Variants in EVI5 observed in about 807,000 individuals in gnomAD.
EVI5 encodes the protein ecotropic viral integration site 5 protein homolog.
A neutral mutation model predicts 112.0 loss-of-function variants in EVI5; 73 were observed. That is an observed-to-expected ratio of 0.65 (90% CI 0.54 to 0.79). The LOEUF (loss-of-function observed/expected upper bound fraction) is 0.79, where lower values mean the gene tolerates loss of function less well. EVI5 is among the 30% of genes least tolerant of loss of function. EVI5 has a pLI of 0.00. For synonymous variants in EVI5, 305 were observed against 319.9 expected (o/e 0.95, Z 0.50); for missense variants, 900 against 968.8 (o/e 0.93, Z 0.94).
chr1:92,670,680 C>G (rs1214868072), intron 10 of EVI5, among the ~76,000 whole-genome samples: 1 of 152,132 alleles, frequency 6.6e-6, no homozygotes, highest in Non-Finnish European at 1.5e-5. Flanking sequence ...CTTCTATCCC[C>G]CTAGGTCACT....
intron 18 of EVI5, among the ~76,000 whole-genome samples, chr1:92,575,217 C>A (rs139543924): frequency 6.6e-6 from 1 of 152,176 alleles, no homozygotes; most frequent in Non-Finnish European, 1.5e-5. Flanking sequence ...CATTTTGCTA[C>A]GTGGGCTTTC....
At chr1:92,787,756 G>A (rs1279806597), upstream of EVI5, among the ~76,000 whole-genome samples, 1 of 151,422 alleles carries the variant, frequency 6.6e-6, no homozygotes, top group Admixed American at 6.6e-5. Context: ...AAAAAAAAGA[G>A]AGAGAAAGAG....
intron 14 of EVI5, among the ~76,000 whole-genome samples, chr1:92,630,038 G>A (rs1656628031): frequency 6.6e-6 from 1 of 152,122 alleles, no homozygotes; most frequent in South Asian, 2.1e-4. Flanking sequence ...TGGTGTATAT[G>A]TGCCACATTT....
rs1659110996 is a variant in EVI5, at chr1:92,510,301, T to C, written c.*3355A>G. ...ACTCAATAAAGCATACTCTTAAAGG[T>C]CTGTGATGCATGCTTTAAAGAACAG... is the stretch of plus-strand genomic sequence containing the variant. On this transcript the variant is annotated 3_prime_UTR_variant, in exon 20 of 20. Coordinates refer to ENST00000684568, the MANE Select transcript of EVI5 (RefSeq NM_001350197.2). The C allele has an allele frequency of 6.6e-6, 1 of 152,224 alleles. No homozygotes were observed. Among genetic ancestry groups the C allele is most frequent in the Non-Finnish European group, 1.5e-5 (1 of 68,044 alleles). The allele number at this position is 152,224 out of a possible 1,614,324, so 9.4% of individuals were successfully genotyped here.
chr1:92,662,268 G>A (rs1236487208), intron 13 of EVI5, among the ~76,000 whole-genome samples: 1 of 152,152 alleles, frequency 6.6e-6, no homozygotes, highest in African/African-American at 2.4e-5. Context: ...GACACAAATT[G>A]CCACACTGTC....
rs150749809 is a variant in EVI5, at chr1:92,771,502, C to G, written c.-82+13334G>C. Among the ~76,000 whole-genome samples, 308 of 152,188 alleles carry G rather than the reference C, an allele frequency of 2.0e-3. 5 individuals are homozygous for G. Among genetic ancestry groups the G allele is most frequent in the African/African-American group, 7.1e-3 (296 of 41,556 alleles). ...CACCTGATCCCTACCTTATCCTCACCCCATATATCAAGTCTAAGGATTCCA... is the reference window on the plus strand; with the variant it reads ...CACCTGATCCCTACCTTATCCTCACGCCATATATCAAGTCTAAGGATTCCA... On this transcript the variant is annotated intron_variant, in intron 1 of 19. Coordinates refer to ENST00000684568, the MANE Select transcript of EVI5 (RefSeq NM_001350197.2).
At chr1:92,705,552 T>TA (rs1671828659) in intron 2 of EVI5, among the ~76,000 whole-genome samples, 1 of 152,202 alleles carries the variant, frequency 6.6e-6, no homozygotes, top group South Asian at 2.1e-4. Flanking sequence ...TTTACACTGT[T>TA]AAACTGGGAC....
rs186184739 is a variant in EVI5 at position 92,710,278 on chromosome 1, G to C, written c.150-5534C>G. Reference sequence around the variant, plus strand: ...GAATCGCCTGAGCCCCGGAAGTTGAGACTGCAGTGTGCCATGATTGCACTG... The same window carrying C: ...GAATCGCCTGAGCCCCGGAAGTTGACACTGCAGTGTGCCATGATTGCACTG... On this transcript the variant is annotated intron_variant, in intron 2 of 19. Coordinates refer to ENST00000684568, the MANE Select transcript of EVI5 (RefSeq NM_001350197.2). Among the ~76,000 whole-genome samples the C allele has an allele frequency of 1.2e-3, 186 of 151,926 alleles. 1 individual carries two copies. The highest frequency in any genetic ancestry group is 4.4e-3 in the African/African-American group (183 of 41,422).
chr1:92,681,114 G>A (rs1425372060), intron 9 of EVI5, among the ~76,000 whole-genome samples: 1 of 152,124 alleles, frequency 6.6e-6, no homozygotes, highest in South Asian at 2.1e-4. Flanking sequence ...TGGTCCAAAA[G>A]TAACTGGTTT....
chr1:92,694,879 G>A (rs1670058282), intron 7 of EVI5, among the ~76,000 whole-genome samples: 1 of 152,188 alleles, frequency 6.6e-6, no homozygotes, highest in Non-Finnish European at 1.5e-5. Context: ...GTTCATAGAA[G>A]AAACATGCTT....
chr1:92,632,519 T>C (rs1256180047), intron 14 of EVI5, among the ~76,000 whole-genome samples: 1 of 152,158 alleles, frequency 6.6e-6, no homozygotes, highest in African/African-American at 2.4e-5. Context: ...GGATAGTTGG[T>C]GATATCCCCT....
At chr1:92,638,529 C>A (rs1202850590) in intron 13 of EVI5, among the ~76,000 whole-genome samples, 1 of 152,092 alleles carries the variant, frequency 6.6e-6, no homozygotes, top group Non-Finnish European at 1.5e-5. Context: ...TTACCTGAAG[C>A]TAACCACTGT....
intron 1 of EVI5, among the ~76,000 whole-genome samples, chr1:92,783,705 G>A (rs1320082228): frequency 2.0e-5 from 3 of 150,592 alleles, no homozygotes; most frequent in Admixed American, 1.3e-4. Flanking sequence ...CCAGCTACTC[G>A]CGGGGCTGAG....
chr1:92,579,900 T>C (rs890406794), intron 18 of EVI5, among the ~76,000 whole-genome samples: 18 of 152,300 alleles, frequency 1.2e-4, no homozygotes, highest in African/African-American at 4.3e-4. Flanking sequence ...GTTTGTACTA[T>C]CTATTTTACA....
intron 2 of EVI5, among the ~76,000 whole-genome samples, 188 bp downstream of exon 2, chr1:92,736,210 G>C (rs1677404041): frequency 1.3e-5 from 2 of 152,002 alleles, no homozygotes; most frequent in Admixed American, 1.3e-4. Context: ...AATCTCTAAA[G>C]CTATTTGAGC....
intron 13 of EVI5, among the ~76,000 whole-genome samples, chr1:92,660,513 C>T (rs529996921): frequency 4.6e-5 from 7 of 151,994 alleles, no homozygotes; most frequent in African/African-American, 1.7e-4. Flanking sequence ...TTACATTGCA[C>T]AGTAGAGTGA....
intron 16 of EVI5, among the ~76,000 whole-genome samples, chr1:92,619,696 G>A (rs966675106): frequency 2.6e-5 from 4 of 151,618 alleles, no homozygotes; most frequent in Non-Finnish European, 5.9e-5. Context: ...TGAGATGGGA[G>A]GATCACTTGG....
intron 10 of EVI5, among the ~76,000 whole-genome samples, chr1:92,666,346 C>A (rs1210760309): frequency 3.3e-5 from 5 of 151,518 alleles, no homozygotes; most frequent in Admixed American, 2.6e-4. Context: ...CAGGGTGAAA[C>A]CTTGTCTCTA....
chr1:92,556,980 T>C (rs1557779284), intron 19 of EVI5, among the ~76,000 whole-genome samples: 1 of 152,140 alleles, frequency 6.6e-6, no homozygotes, highest in Admixed American at 6.5e-5. Context: ...CCTGTCTATA[T>C]AAACATTTTC....
Sources: allele counts gnomAD v4.1 joint callset (sites outside exome capture counted in the v4.1 genomes callset), GRCh38; gene constraint gnomAD v4.1.1; transcripts MANE v1.5; gene names NCBI Gene and HGNC (gene_info 2026-07-23, HGNC 2026-07-21).